The following CLIC5 variants were observed in gnomAD, a reference collection of about 807,000 sequenced individuals.
The protein encoded by CLIC5 is CLIC family member 5.
CLIC5 carries 20 observed loss-of-function variants against 24.7 expected under a neutral mutation model. That is an observed-to-expected ratio of 0.81 (90% CI 0.57 to 1.18). CLIC5 has a LOEUF of 1.18. Among genes scored for constraint, CLIC5 ranks in the 50% most tolerant of loss-of-function variants. The pLI is 0.00. For synonymous variants in CLIC5, 159 were observed against 135.6 expected, an observed-to-expected ratio of 1.17 and a Z score of -1.20; for missense variants, 341 against 326.1, an observed-to-expected ratio of 1.05 and a Z score of -0.35.
chr6:46,095,643 T>C, the CLIC5 span, among the ~76,000 whole-genome samples: 4,622 of 152,332 alleles, frequency 0.03, 102 homozygotes, highest in South Asian at 0.061. Flanking sequence ...CTCATCTCCA[T>C]CTGAGACTGC....
At chr6:46,120,696 T>C in the CLIC5 span, among the ~76,000 whole-genome samples, 2 of 151,560 alleles carry the variant, frequency 1.3e-5, no homozygotes, top group Admixed American at 6.6e-5. Context: ...AAAGATTAGA[T>C]GAATGGCTAA....
Position 45,970,713 on chromosome 6 carries a change from C to G in CLIC5, c.64-15469G>C, listed in dbSNP as rs920499384. 5.3e-5 allele frequency among the ~76,000 whole-genome samples: 8 copies of G among 152,180 alleles called. No homozygotes were observed. In the South Asian group the frequency reaches 6.2e-4, roughly 12 times the overall value. On this transcript the variant is annotated intron_variant, in intron 1 of 5. Transcript: ENST00000339561. ...GCATTTACAAGAGACAGATTGCCCA[C>G]CCTGCTTTTCTGCCTGACTGGTGGA...
rs112856154 is a variant in CLIC5, at chr6:45,904,005, G to A, written c.589-750C>T. 6.7e-3 allele frequency among the ~76,000 whole-genome samples: 1,021 copies of A among 152,302 alleles called. 9 individuals carry two copies. Among genetic ancestry groups the A allele is most frequent in the African/African-American group, 0.023 (947 of 41,572 alleles). ...TCTGTTCTCGCCCTGGTTTGCCACA[G>A]TCAGGGGGGATGTGGACTGGAGAGT... is the stretch of plus-strand genomic sequence containing the variant. On this transcript the variant is annotated intron_variant, in intron 5 of 5. Coordinates refer to ENST00000339561, the MANE Select transcript of CLIC5 (RefSeq NM_016929.5).
intron 1 of CLIC5, among the ~76,000 whole-genome samples, chr6:46,061,483 G>T (rs145948887): frequency 1.3e-4 from 20 of 152,330 alleles, no homozygotes; most frequent in African/African-American, 3.6e-4. Flanking sequence ...GAGCCACCAC[G>T]CCCAGCCAAC....
chr6:45,916,967 G>A (rs543475954), intron 4 of CLIC5, among the ~76,000 whole-genome samples: 1 of 152,184 alleles, frequency 6.6e-6, no homozygotes, highest in Non-Finnish European at 1.5e-5. Flanking sequence ...AGGACTGCAA[G>A]GCCTGGGACT....
intron 1 of CLIC5, among the ~76,000 whole-genome samples, chr6:46,012,220 C>T (rs1042704557): frequency 1.3e-5 from 2 of 152,128 alleles, no homozygotes; most frequent in African/African-American, 2.4e-5. Context: ...TATTTATAAC[C>T]ATGCTCTTGT....
chr6:45,922,922 T>TGAACCCGGCCCAG, intron 4 of CLIC5, among the ~76,000 whole-genome samples: 1 of 151,926 alleles, frequency 6.6e-6, no homozygotes, highest in Non-Finnish European at 1.5e-5. Context: ...GGAGAAGTTC[T>TGAACCCGGCCCAG]GGTTAGGGAA....
At chr6:46,093,743 T>C in the CLIC5 span, among the ~76,000 whole-genome samples, 7 of 152,202 alleles carry the variant, frequency 4.6e-5, no homozygotes, top group South Asian at 2.1e-4. Context: ...AAAATTAACA[T>C]ATACTTACCC....
chr6:46,108,125 T>C, the CLIC5 span, among the ~76,000 whole-genome samples: 1 of 149,962 alleles, frequency 6.7e-6, no homozygotes, highest in Non-Finnish European at 1.5e-5. Context: ...AAAGGGTTTA[T>C]GGAAATATTA....
At chr6:46,036,335 A>C (rs1158789413) in intron 1 of CLIC5, among the ~76,000 whole-genome samples, 1 of 88,736 alleles carries the variant, frequency 1.1e-5, no homozygotes, top group Non-Finnish European at 2.0e-5. Flanking sequence ...TTTGAGACGG[A>C]GTCTCATTCT....
intron 1 of CLIC5, among the ~76,000 whole-genome samples, chr6:45,969,940 T>C (rs1765143365): frequency 6.6e-6 from 1 of 152,184 alleles, no homozygotes; most frequent in Admixed American, 6.5e-5. Flanking sequence ...ATGTTCCTTC[T>C]TCTCCCGCCT....
At chr6:46,109,339 C>A in the CLIC5 span, among the ~76,000 whole-genome samples, 3 of 151,834 alleles carry the variant, frequency 2.0e-5, no homozygotes, top group Admixed American at 6.6e-5. Flanking sequence ...TTAATCTATT[C>A]CATAACATTG....
chr6:46,009,947 C>A (rs1766744508), intron 1 of CLIC5, among the ~76,000 whole-genome samples: 2 of 152,096 alleles, frequency 1.3e-5, no homozygotes, highest in African/African-American at 4.8e-5. Context: ...CAGACATGGG[C>A]TCTAGTGGGC....
At chr6:45,983,486 G>A (rs537279927) in intron 1 of CLIC5, among the ~76,000 whole-genome samples, 5 of 152,276 alleles carry the variant, frequency 3.3e-5, no homozygotes, top group Non-Finnish European at 7.4e-5. Flanking sequence ...GGTTGGAAGA[G>A]CGATTGTGGC....
intron 1 of CLIC5, among the ~76,000 whole-genome samples, chr6:46,047,763 C>T (rs902247335): frequency 6.6e-6 from 1 of 152,258 alleles, no homozygotes; most frequent in Admixed American, 6.5e-5. Context: ...ATTGTGTTAC[C>T]TGTCTTCTCT....
intron 1 of CLIC5, among the ~76,000 whole-genome samples, chr6:45,988,738 G>GGCT (rs1250895836): frequency 6.6e-6 from 1 of 152,214 alleles, no homozygotes; most frequent in African/African-American, 2.4e-5. Context: ...TGAGAACAAA[G>GGCT]GCTGCTGCTG....
At chr6:45,973,216 C>T (rs1449857650) in intron 1 of CLIC5, among the ~76,000 whole-genome samples, 4 of 152,254 alleles carry the variant, frequency 2.6e-5, no homozygotes, top group African/African-American at 4.8e-5. Flanking sequence ...AGTCAGATGT[C>T]GGACCCTACC....
chr6:46,079,469 G>T lies in CLIC5; in HGVS notation c.540+234C>A, dbSNP rs536412148. Among the ~76,000 whole-genome samples the T allele has an allele frequency of 3.9e-5, 6 of 152,314 alleles. 1 individual carries two copies. The South Asian group carries it at 1.2e-3, about 32-fold the overall frequency. The stretch of plus-strand genomic sequence containing the variant: ...CCGTTTTGAAAAATACTTTGCCCAT[G>T]GTATGTAAAAGTCAGTGATTAAATA... On this transcript the variant is annotated intron_variant, in intron 1 of 5. Coordinates refer to the CLIC5 transcript ENST00000185206.
chr6:46,108,032 C>CAA, the CLIC5 span, among the ~76,000 whole-genome samples: 377 of 33,270 alleles, frequency 0.011, 7 homozygotes, highest in East Asian at 0.092. Flanking sequence ...AAAACTCCAT[C>CAA]AAAAAAAAAA....
Sources: gnomAD v4.1 joint callset for allele counts (sites outside exome capture counted in the v4.1 genomes callset) on GRCh38, gnomAD v4.1.1 for gene constraint, MANE v1.5 for transcripts, NCBI Gene and HGNC (gene_info 2026-07-23, HGNC 2026-07-21) for gene names.